Variants in PTPRT observed in about 807,000 individuals in gnomAD.
The protein encoded by PTPRT is protein tyrosine phosphatase receptor type T, also known as receptor-type tyrosine-protein phosphatase T.
In PTPRT, 56 loss-of-function variants were observed where a neutral mutation model predicts 176.8. The ratio of observed to expected loss-of-function variants is 0.32; its 90% CI spans 0.26 to 0.40. PTPRT has a LOEUF of 0.40. Ranked by LOEUF, PTPRT falls within the 10% of genes least tolerant of loss-of-function variation. The probability of loss-of-function intolerance (pLI) is 1.00; values close to 1 mark genes in which losing one functional copy is unlikely to be tolerated. For missense variants in PTPRT, 1,540 were observed against 1,908.2 expected (o/e 0.81, Z 3.60); for synonymous variants, 783 against 739.0 (o/e 1.06, Z -0.96).
At chr20:42,430,346 G>T (rs6016791) in intron 9 of PTPRT, among the ~76,000 whole-genome samples, 1 of 152,030 alleles carries the variant, frequency 6.6e-6, no homozygotes, top group Non-Finnish European at 1.5e-5. Flanking sequence ...AGTACTGTAC[G>T]TGCTGAACTT....
chr20:42,520,819 A>ATATATG (rs2072158185), intron 7 of PTPRT, among the ~76,000 whole-genome samples: 1 of 145,886 alleles, frequency 6.9e-6, no homozygotes, highest in African/African-American at 2.6e-5. Flanking sequence ...ATATATATAT[A>ATATATG]TATGTATGTA....
intron 6 of PTPRT, among the ~76,000 whole-genome samples, chr20:42,690,464 A>G (rs2075774578): frequency 6.6e-6 from 1 of 152,134 alleles, no homozygotes; most frequent in Non-Finnish European, 1.5e-5. Context: ...TTGGGTTGGG[A>G]GACTGAAAGG....
Position 42,997,011 on chromosome 20 carries a change from G to A in PTPRT, c.89-111079C>T, listed in dbSNP as rs189507083. Among the ~76,000 whole-genome samples, 297 of 152,248 alleles carry A rather than the reference G, an allele frequency of 2.0e-3. 2 individuals carry two copies. The highest frequency in any genetic ancestry group is 3.2e-3 in the Non-Finnish European group (217 of 68,020). On this transcript the variant is annotated intron_variant, in intron 1 of 30. Transcript: ENST00000373187. Reference sequence around the variant, plus strand: ...GTGTACTCCAAAGCCAGACTGCCAGGATTCAAATTCCACTCAACCATTCCA... The same window carrying A: ...GTGTACTCCAAAGCCAGACTGCCAGAATTCAAATTCCACTCAACCATTCCA...
At chr20:42,749,624 G>A (rs563125411) in intron 6 of PTPRT, among the ~76,000 whole-genome samples, 47 of 152,304 alleles carry the variant, frequency 3.1e-4, no homozygotes, top group East Asian at 2.3e-3. Flanking sequence ...CAGCACCTAC[G>A]TCATAGGGCC....
intron 1 of PTPRT, among the ~76,000 whole-genome samples, chr20:43,134,941 G>C (rs1177895575): frequency 6.6e-6 from 1 of 152,174 alleles, no homozygotes; most frequent in Non-Finnish European, 1.5e-5. Context: ...GCACGTACCA[G>C]CATCCCTGGC....
At chr20:42,764,044 G>A (rs2076950996) in intron 5 of PTPRT, among the ~76,000 whole-genome samples, 1 of 152,146 alleles carries the variant, frequency 6.6e-6, no homozygotes, top group Non-Finnish European at 1.5e-5. Flanking sequence ...TGAAACTGTG[G>A]CAGTCTACCT....
At chr20:42,099,386 G>T (rs1057073179) in intron 26 of PTPRT, among the ~76,000 whole-genome samples, 2 of 152,130 alleles carry the variant, frequency 1.3e-5, no homozygotes, top group African/African-American at 4.8e-5. Context: ...CGGAACGTAA[G>T]CCTACTGGCA....
intron 23 of PTPRT, among the ~76,000 whole-genome samples, chr20:42,108,043 G>A (rs527451722): frequency 3.9e-5 from 6 of 152,262 alleles, no homozygotes; most frequent in African/African-American, 7.2e-5. Context: ...GGGAGTATAG[G>A]GGGGGTCACT....
chr20:43,077,526 A>G (rs1224600472), intron 1 of PTPRT, among the ~76,000 whole-genome samples: 4 of 152,204 alleles, frequency 2.6e-5, no homozygotes, highest in Non-Finnish European at 5.9e-5. Context: ...CAAAGCCCCT[A>G]AAATGTGCAA....
the PTPRT span, among the ~76,000 whole-genome samples, chr20:42,059,433 G>C: frequency 6.6e-6 from 1 of 152,194 alleles, no homozygotes; most frequent in Non-Finnish European, 1.5e-5. Flanking sequence ...AGGTGGATGA[G>C]ATGCAAGAAG....
chr20:42,179,575 T>C (rs1022805867), intron 16 of PTPRT, among the ~76,000 whole-genome samples: 11 of 152,156 alleles, frequency 7.2e-5, no homozygotes, highest in Non-Finnish European at 1.0e-4. Context: ...AAAAATATAA[T>C]GTGATGAATT....
At chr20:42,770,634 T>A (rs2077049035) in intron 5 of PTPRT, among the ~76,000 whole-genome samples, 1 of 152,166 alleles carries the variant, frequency 6.6e-6, no homozygotes, top group Non-Finnish European at 1.5e-5. Flanking sequence ...CTCATTTTAG[T>A]GAAAAATTCC....
At chr20:42,786,802 T>C (rs1398475358) in intron 3 of PTPRT, among the ~76,000 whole-genome samples, 1 of 152,200 alleles carries the variant, frequency 6.6e-6, no homozygotes, top group Non-Finnish European at 1.5e-5. Flanking sequence ...AGATACTTTA[T>C]GTCTACAGTC....
intron 16 of PTPRT, among the ~76,000 whole-genome samples, chr20:42,176,345 A>C (rs1293901739): frequency 1.3e-5 from 2 of 152,168 alleles, no homozygotes; most frequent in Non-Finnish European, 2.9e-5. Flanking sequence ...GGAGGTTGAT[A>C]AGCCACATTT....
intron 1 of PTPRT, among the ~76,000 whole-genome samples, chr20:43,092,980 A>G (rs2146309816): frequency 6.6e-6 from 1 of 152,344 alleles, no homozygotes; most frequent in South Asian, 2.1e-4. Flanking sequence ...CACATATACA[A>G]TGATTACACT....
At chr20:43,043,133 A>G (rs2425559) in intron 1 of PTPRT, among the ~76,000 whole-genome samples, 48,463 of 152,044 alleles carry the variant, frequency 0.32, 10,682 homozygotes, top group African/African-American at 0.62. Context: ...TCTTTTGCCA[A>G]AGCGAGGTGC....
At chr20:43,024,520 G>A (rs1303691553) in intron 1 of PTPRT, among the ~76,000 whole-genome samples, 5 of 151,140 alleles carry the variant, frequency 3.3e-5, no homozygotes, top group Non-Finnish European at 5.9e-5. Flanking sequence ...AACCTGGGAG[G>A]TGGAGGTTGC....
chr20:42,053,225 T>C, the PTPRT span, among the ~76,000 whole-genome samples: 2 of 152,314 alleles, frequency 1.3e-5, no homozygotes, highest in Admixed American at 1.3e-4. Flanking sequence ...TCAGTGGCTC[T>C]GCGGTGGGAT....
chr20:42,568,661 G>A (rs892544185), intron 7 of PTPRT, among the ~76,000 whole-genome samples: 4 of 152,096 alleles, frequency 2.6e-5, no homozygotes, highest in Non-Finnish European at 5.9e-5. Context: ...GTTGAAGCTG[G>A]GACTTGGGGT....
Sources: allele counts gnomAD v4.1 joint callset (sites outside exome capture counted in the v4.1 genomes callset), GRCh38; gene constraint gnomAD v4.1.1; transcripts MANE v1.5; gene names NCBI Gene and HGNC (gene_info 2026-07-23, HGNC 2026-07-21).